Variants in GMDS observed in about 807,000 individuals in gnomAD.
GMDS encodes the protein GDP-mannose 4,6-dehydratase.
Under a neutral mutation model 49.9 loss-of-function variants are expected in GMDS, and 20 were observed. The ratio of observed to expected loss-of-function variants is 0.40; its 90% CI spans 0.28 to 0.58. The LOEUF is 0.58. Ranked by LOEUF, GMDS falls within the 20% of genes least tolerant of loss-of-function variation. The pLI is 0.42. For missense variants in GMDS, 362 were observed against 481.4 expected, an observed-to-expected ratio of 0.75 and a Z score of 2.32; for synonymous variants, 177 against 178.6, an observed-to-expected ratio of 0.99 and a Z score of 0.07.
chr6:2,032,950 T>A (rs1769062701), intron 4 of GMDS, among the ~76,000 whole-genome samples: 1 of 152,190 alleles, frequency 6.6e-6, no homozygotes, highest in African/African-American at 2.4e-5. Flanking sequence ...ACTTCTCAAA[T>A]TTCATTTTTA....
Position 1,911,880 on chromosome 6 carries a change from C to T in GMDS, c.771+18223G>A, listed in dbSNP as rs566500375. Among the ~76,000 whole-genome samples, 249 of 152,256 alleles carry T rather than the reference C, an allele frequency of 1.6e-3. 1 individual carries two copies. Among genetic ancestry groups the T allele is most frequent in the African/African-American group, 5.7e-3 (236 of 41,550 alleles). On this transcript the variant is annotated intron_variant, in intron 7 of 10. Transcript: ENST00000380815. ...ACTAAGCAAGGTCTTTGAGGGACCA[C>T]GAACTACTCTGTAGGGAAAAAACAC...
Position 2,128,860 on chromosome 6 carries a change from G to C in GMDS, c.103-4129C>G, listed in dbSNP as rs555150082. On this transcript the variant is annotated intron_variant, in intron 1 of 10. Coordinates refer to ENST00000380815, the MANE Select transcript of GMDS (RefSeq NM_001500.4). ...AGGAGGGAGAAAGGATACAGCACCT[G>C]AGATTTTCCCGGTCTGGGTTTTTGG... 2.4e-3 allele frequency among the ~76,000 whole-genome samples: 370 copies of C among 152,332 alleles called. 2 individuals are homozygous for C. The highest frequency in any genetic ancestry group is 8.5e-3 in the African/African-American group (355 of 41,580).
At chr6:1,786,334 T>C (rs1222252481) in intron 7 of GMDS, among the ~76,000 whole-genome samples, 1 of 152,224 alleles carries the variant, frequency 6.6e-6, no homozygotes, top group African/African-American at 2.4e-5. Context: ...GAGCCTCGGC[T>C]GAGGGAAGCA....
chr6:2,140,099 G>A (rs1776212667), intron 1 of GMDS, among the ~76,000 whole-genome samples: 1 of 152,188 alleles, frequency 6.6e-6, no homozygotes, highest in Non-Finnish European at 1.5e-5. Context: ...ATCTGTGACT[G>A]ATACCTCATA....
intron 6 of GMDS, among the ~76,000 whole-genome samples, chr6:1,932,334 C>T (rs1414016708): frequency 2.0e-5 from 3 of 152,020 alleles, no homozygotes; most frequent in African/African-American, 4.8e-5. Context: ...AATATTACCC[C>T]CATTTTGTAC....
At position 1,624,473 on chromosome 6, in the gene GMDS, T is replaced by TCGAAAGCGA. The variant is rs1277975895; in HGVS notation, c.1046_1054dup (p.Val349_Phe351dup). The TCGAAAGCGA allele has an allele frequency of 1.2e-6, 2 of 1,610,896 alleles. No individual in the cohort carries two copies. Among genetic ancestry groups the TCGAAAGCGA allele is most frequent in the Non-Finnish European group, 1.7e-6 (2 of 1,178,054 alleles). On this transcript the variant is annotated inframe_insertion and splice_region_variant, in exon 10 of 11. Coordinates refer to ENST00000380815, the MANE Select transcript of GMDS (RefSeq NM_001500.4). Reference sequence around the variant, plus strand: ...GCGTGCGCCCTAAGAGATACTCACATCGAAAGCGACCCGGGGCTTCCAGTT... The same window carrying TCGAAAGCGA: ...GCGTGCGCCCTAAGAGATACTCACATCGAAAGCGACGAAAGCGACCCGGGGCTTCCAGTT...
intron 7 of GMDS, among the ~76,000 whole-genome samples, chr6:1,876,383 T>C (rs940628285): frequency 1.3e-5 from 2 of 152,232 alleles, no homozygotes; most frequent in African/African-American, 4.8e-5. Flanking sequence ...AGATAATTTA[T>C]TGATTTATAC....
chr6:2,083,349 C>T (rs1449084309), intron 4 of GMDS, among the ~76,000 whole-genome samples: 1 of 152,100 alleles, frequency 6.6e-6, no homozygotes, highest in Non-Finnish European at 1.5e-5. Context: ...GCTACCCAAC[C>T]ATAGTATTAC....
At chr6:1,937,973 C>A (rs1001370415) in intron 6 of GMDS, among the ~76,000 whole-genome samples, 7 of 151,844 alleles carry the variant, frequency 4.6e-5, no homozygotes, top group Admixed American at 3.3e-4. Flanking sequence ...TTGAGATCAG[C>A]CTGGGCAACA....
chr6:1,917,368 G>A (rs184269317), intron 7 of GMDS, among the ~76,000 whole-genome samples: 74 of 152,270 alleles, frequency 4.9e-4, no homozygotes, highest in African/African-American at 1.7e-3. Context: ...CATCAAACAA[G>A]GGTTTCTCCT....
In GMDS at chr6:2,117,503, A is replaced by C. The variant is rs1209306855; in HGVS notation, c.201T>G (p.His67Gln). ...TGTGAGCCTGGGGATTCTTATACAG[A>C]TGCTCAATTCGACCCGTATTAAATG... ...SSSFNTGRIE[H>Q]LYKNPQAHIE... The change falls in exon 3 of 11, where the codon CAT becomes CAG. Residue 67 changes from histidine to glutamine, a missense_variant. Coordinates refer to ENST00000380815, the MANE Select transcript of GMDS (RefSeq NM_001500.4). 1 of 1,607,812 alleles carries C rather than the reference A, an allele frequency of 6.2e-7. No homozygotes were observed. The highest frequency in any genetic ancestry group is 1.7e-4 in the Middle Eastern group (1 of 6,048).
intron 9 of GMDS, among the ~76,000 whole-genome samples, chr6:1,645,743 T>G (rs962496143): frequency 6.6e-6 from 1 of 152,248 alleles, no homozygotes; most frequent in African/African-American, 2.4e-5. Flanking sequence ...CTTTCCAGCC[T>G]GACAACTGCA....
intron 4 of GMDS, among the ~76,000 whole-genome samples, chr6:1,966,698 A>G (rs1764279166): frequency 6.6e-6 from 1 of 152,154 alleles, no homozygotes; most frequent in African/African-American, 2.4e-5. Context: ...ACAGCCTCTC[A>G]TATGTTCACA....
intron 4 of GMDS, among the ~76,000 whole-genome samples, chr6:2,066,792 T>G (rs1771624978): frequency 1.3e-5 from 2 of 151,940 alleles, no homozygotes; most frequent in Non-Finnish European, 2.9e-5. Context: ...CAAAGAGACT[T>G]AGACTCCCAC....
chr6:1,653,910 C>A (rs1424383123), intron 9 of GMDS, among the ~76,000 whole-genome samples: 1 of 152,080 alleles, frequency 6.6e-6, no homozygotes, highest in Non-Finnish European at 1.5e-5. Context: ...AGATATGACA[C>A]CAAAAGCATG....
chr6:2,140,197 T>C (rs1380863450), intron 1 of GMDS, among the ~76,000 whole-genome samples: 1 of 152,126 alleles, frequency 6.6e-6, no homozygotes, highest in Non-Finnish European at 1.5e-5. Flanking sequence ...GGGTGAACTC[T>C]GAGCATAATC....
Position 1,624,457 on chromosome 6 carries a change from C to CT in GMDS, c.1056+14dup. On this transcript the variant is annotated intron_variant, in intron 10 of 10. Coordinates refer to ENST00000380815, the MANE Select transcript of GMDS (RefSeq NM_001500.4). ...GGCCCCGCAGCGGGCGGCGTGCGCC[C>CT]TAAGAGATACTCACATCGAAAGCGA... The CT allele has an allele frequency of 6.2e-7, 1 of 1,610,072 alleles. No individual in the cohort carries two copies. Among genetic ancestry groups the CT allele is most frequent in the Non-Finnish European group, 8.5e-7 (1 of 1,176,620 alleles).
intron 4 of GMDS, among the ~76,000 whole-genome samples, chr6:2,072,983 A>G (rs1480194900): frequency 2.0e-5 from 3 of 152,156 alleles, no homozygotes; most frequent in African/African-American, 4.8e-5. Context: ...CTTTTTGCAA[A>G]TATTGTTTTA....
At chr6:1,894,718 G>A (rs1376941328) in intron 7 of GMDS, among the ~76,000 whole-genome samples, 1 of 152,182 alleles carries the variant, frequency 6.6e-6, no homozygotes, top group African/African-American at 2.4e-5. Flanking sequence ...AAATGGGATG[G>A]TAATACAATC....
Sources: gnomAD v4.1 joint callset for allele counts (sites outside exome capture counted in the v4.1 genomes callset) on GRCh38, gnomAD v4.1.1 for gene constraint, MANE v1.5 for transcripts, NCBI Gene and HGNC (gene_info 2026-07-23, HGNC 2026-07-21) for gene names.